PRIM2: variants seen among roughly 807,000 people sequenced by gnomAD.
The protein encoded by PRIM2 is DNA primase large subunit.
PRIM2 carries 39 observed loss-of-function variants against 67.3 expected under a neutral mutation model. The observed-to-expected ratio is 0.58, with a 90% CI of 0.45 to 0.76. The LOEUF is 0.76. PRIM2 is among the 30% of genes least tolerant of loss of function. PRIM2 has a pLI of 0.00. For synonymous variants in PRIM2, 143 were observed against 198.7 expected (o/e 0.72, Z 2.36); for missense variants, 398 against 598.7 (o/e 0.66, Z 3.50).
At chr6:57,243,955 T>G in the PRIM2 span, among the ~76,000 whole-genome samples, 1 of 152,184 alleles carries the variant, frequency 6.6e-6, no homozygotes, top group Non-Finnish European at 1.5e-5. Flanking sequence ...GGCTGACAGA[T>G]AGAATGGACT....
intron 5 of PRIM2, among the ~76,000 whole-genome samples, chr6:57,355,982 C>T (rs1769017562): frequency 2.0e-5 from 3 of 152,032 alleles, no homozygotes; most frequent in Admixed American, 6.6e-5. Context: ...AACAAATGGC[C>T]CAGTAACAGA....
At chr6:57,232,629 A>G in the PRIM2 span, among the ~76,000 whole-genome samples, 39 of 152,368 alleles carry the variant, frequency 2.6e-4, no homozygotes, top group South Asian at 3.9e-3. Context: ...AGCCTTATAT[A>G]CATAAATCAG....
chr6:57,394,782 T>A (rs890887679), intron 7 of PRIM2, among the ~76,000 whole-genome samples: 3 of 152,134 alleles, frequency 2.0e-5, no homozygotes, highest in African/African-American at 7.2e-5. Context: ...CATTCAGTAT[T>A]ATGTTGGCTG....
the PRIM2 span, among the ~76,000 whole-genome samples, chr6:57,284,084 A>C: frequency 2.0e-5 from 3 of 152,152 alleles, no homozygotes; most frequent in African/African-American, 7.2e-5. Flanking sequence ...ATCCTGGCTT[A>C]AACAGAACCA....
intron 7 of PRIM2, among the ~76,000 whole-genome samples, chr6:57,490,434 A>C (rs1360435372): frequency 2.6e-5 from 4 of 152,196 alleles, no homozygotes; most frequent in Non-Finnish European, 5.9e-5. Flanking sequence ...CCAGAAGCCA[A>C]AATAAGTATA....
intron 4 of PRIM2, among the ~76,000 whole-genome samples, chr6:57,325,498 T>G (rs896870783): frequency 6.6e-6 from 1 of 152,140 alleles, no homozygotes; most frequent in East Asian, 1.9e-4. Flanking sequence ...TTTACCAACT[T>G]GCCCAGGCTG....
chr6:57,323,482 G>A (rs966618333), intron 3 of PRIM2, among the ~76,000 whole-genome samples: 5 of 152,064 alleles, frequency 3.3e-5, no homozygotes, highest in African/African-American at 1.2e-4. Context: ...AAGGGGTTTT[G>A]TCAAGATTAG....
intron 7 of PRIM2, among the ~76,000 whole-genome samples, chr6:57,412,318 A>G (rs1439358037): frequency 6.6e-6 from 1 of 152,078 alleles, no homozygotes; most frequent in African/African-American, 2.4e-5. Flanking sequence ...TAATATAAGT[A>G]TATTTGTTTT....
intron 10 of PRIM2, among the ~76,000 whole-genome samples, chr6:57,547,129 C>CA: frequency 6.6e-6 from 1 of 151,916 alleles, no homozygotes; most frequent in South Asian, 2.1e-4. Context: ...TTTAATTAGT[C>CA]AGAGTAAAGT....
chr6:57,224,645 A>G, the PRIM2 span, among the ~76,000 whole-genome samples: 1 of 152,220 alleles, frequency 6.6e-6, no homozygotes, highest in Non-Finnish European at 1.5e-5. Flanking sequence ...GGAAAAAAAA[A>G]AAAGAAAATC....
intron 8 of PRIM2, among the ~76,000 whole-genome samples, chr6:57,531,213 C>T (rs1774882142): frequency 6.6e-6 from 1 of 152,180 alleles, no homozygotes; most frequent in East Asian, 1.9e-4. Flanking sequence ...AATGCTCAGG[C>T]ATGATCATGG....
chr6:57,564,788 G>A (rs1775705556), intron 10 of PRIM2, among the ~76,000 whole-genome samples: 1 of 152,262 alleles, frequency 6.6e-6, no homozygotes, highest in East Asian at 1.9e-4. Flanking sequence ...TAAAAATGTA[G>A]AATTTATAAT....
At chr6:57,419,675 G>C (rs1214326670) in intron 7 of PRIM2, among the ~76,000 whole-genome samples, 1 of 152,058 alleles carries the variant, frequency 6.6e-6, no homozygotes, top group African/African-American at 2.4e-5. Context: ...ATTTATTATA[G>C]GATTGGAGAT....
intron 7 of PRIM2, among the ~76,000 whole-genome samples, chr6:57,411,780 A>G (rs1771096237): frequency 6.6e-6 from 1 of 151,754 alleles, no homozygotes; most frequent in Non-Finnish European, 1.5e-5. Context: ...TTTTCCTTTC[A>G]TGTAAGGGCT....
chr6:57,346,797 A>G (rs1484583535), intron 5 of PRIM2, among the ~76,000 whole-genome samples: 6 of 152,088 alleles, frequency 3.9e-5, no homozygotes, highest in Admixed American at 3.9e-4. Flanking sequence ...GTGGAGGGCA[A>G]ATGGAGTTGT....
chr6:57,268,740 G>C, the PRIM2 span, among the ~76,000 whole-genome samples: 3 of 149,566 alleles, frequency 2.0e-5, no homozygotes, highest in African/African-American at 7.4e-5. Flanking sequence ...CCATTAACTC[G>C]TCATTTAGCA....
In PRIM2 at chr6:57,609,404, A is replaced by G. The variant is rs1232948058; in HGVS notation, c.1230+2947A>G. 7.7e-3 allele frequency among the ~76,000 whole-genome samples: 1,180 copies of G among 152,322 alleles called. 14 individuals are homozygous for G. Among genetic ancestry groups the G allele is most frequent in the African/African-American group, 0.027 (1,125 of 41,572 alleles). ...TCATCAGCTGGAGAGTAAAGGGGTT[A>G]TGAATGATATTCTGGTTATAGAAAA... On this transcript the variant is annotated intron_variant, in intron 12 of 13. Transcript: ENST00000615550.
At chr6:57,334,201 A>T (rs1417204592) in intron 5 of PRIM2, among the ~76,000 whole-genome samples, 2 of 152,152 alleles carry the variant, frequency 1.3e-5, no homozygotes, top group African/African-American at 4.8e-5. Flanking sequence ...TTAACGTAAT[A>T]TCCCTGTTTC....
intron 13 of PRIM2, among the ~76,000 whole-genome samples, chr6:57,638,336 C>T (rs1318606362): frequency 8.5e-5 from 13 of 152,096 alleles, no homozygotes; most frequent in African/African-American, 3.1e-4. Flanking sequence ...AAAGAAATTG[C>T]ATCAACTAAT....
Sources: allele counts gnomAD v4.1 joint callset (sites outside exome capture counted in the v4.1 genomes callset), GRCh38; gene constraint gnomAD v4.1.1; transcripts MANE v1.5; gene names NCBI Gene and HGNC (gene_info 2026-07-23, HGNC 2026-07-21).